PCDHA1: variants seen among roughly 807,000 people sequenced by gnomAD.
PCDHA1 encodes protocadherin alpha-1.
A neutral mutation model predicts 61.3 loss-of-function variants in PCDHA1; 42 were observed. The ratio of observed to expected loss-of-function variants is 0.69; its 90% CI spans 0.54 to 0.89. The LOEUF is 0.89. PCDHA1 is among the 40% of genes least tolerant of loss of function. The pLI is 0.00. For missense variants in PCDHA1, 1,256 were observed against 1,235.3 expected (o/e 1.02, Z -0.25); for synonymous variants, 610 against 553.8 (o/e 1.10, Z -1.43).
chr5:140,906,459 A>G (rs1217443805), intron 1 of PCDHA1, among the ~76,000 whole-genome samples: 1 of 152,236 alleles, frequency 6.6e-6, no homozygotes. Context: ...AAATGAAGAT[A>G]TTTTCTTAGT....
chr5:140,815,943 A>G (rs2126668159), intron 1 of PCDHA1: 1 of 152,186 alleles, frequency 6.6e-6, no homozygotes, highest in African/African-American at 2.4e-5. Flanking sequence ...TGAGAAATCT[A>G]CTGGTAGAGT....
At position 140,787,206 on chromosome 5, in the gene PCDHA1, G is replaced by C. The variant is rs1392750282; in HGVS notation, c.916G>C (p.Asp306His). Residue 306 changes from aspartate to histidine, a missense_variant, in exon 1 of 4, where the codon GAT (aspartate) becomes CAT (histidine). Physicochemically the swap from Asp to His is moderately conservative, Grantham distance 81. Transcript: ENST00000504120. ...CAGCTCAGGAGAAATTAGGTTAATT[G>C]ATAAACTGGATTATGAAGAAACAAA... ...DSSSGEIRLI[D>H]KLDYEETKSY... is the part of the protein sequence containing the mutation. The C allele has an allele frequency of 6.2e-7, 1 of 1,613,932 alleles. No individual in the cohort carries two copies. Among genetic ancestry groups the C allele is most frequent in the Non-Finnish European group, 8.5e-7 (1 of 1,179,992 alleles).
chr5:140,967,841 A>G, intron 1 of PCDHA1: 1 of 1,614,114 alleles, frequency 6.2e-7, no homozygotes, highest in Non-Finnish European at 8.5e-7. Flanking sequence ...CGTGGACGTG[A>G]ATGACAATGC....
chr5:140,950,569 T>G (rs969438550), intron 1 of PCDHA1, among the ~76,000 whole-genome samples: 2 of 152,120 alleles, frequency 1.3e-5, no homozygotes, highest in African/African-American at 4.8e-5. Context: ...TATTTTAAGG[T>G]TTTCTACTTA....
chr5:140,914,928 T>C lies in PCDHA1; in HGVS notation c.2395-64021T>C, dbSNP rs75399267. On this transcript the variant is annotated intron_variant, in intron 1 of 3. Coordinates refer to ENST00000504120, the MANE Select transcript of PCDHA1 (RefSeq NM_018900.4). ...TGTTTCTCTGTGTCTTATTGTACTA[T>C]GTTGTGAAAAGTTGTCTTTTTTTTT... Among the ~76,000 whole-genome samples the C allele has an allele frequency of 4.6e-3, 691 of 150,904 alleles. 3 individuals carry two copies. The highest frequency in any genetic ancestry group is 0.016 in the African/African-American group (668 of 41,182).
intron 1 of PCDHA1, chr5:140,797,533 C>T: frequency 1.3e-6 from 1 of 769,010 alleles, no homozygotes; most frequent in East Asian, 2.7e-5. Context: ...TTTAAACAAT[C>T]TACATAACTG....
chr5:140,797,121 T>C, intron 1 of PCDHA1: 1 of 1,614,020 alleles, frequency 6.2e-7, no homozygotes, highest in South Asian at 1.1e-5. Flanking sequence ...TGCTGTACAC[T>C]GCGCTGCGGT....
chr5:140,835,199 C>T lies in PCDHA1; in HGVS notation c.2394+46515C>T, dbSNP rs2150231734. The T allele has an allele frequency of 7.8e-3, 12,048 of 1,553,200 alleles. 392 individuals are homozygous for T. The African/African-American group carries it at 0.15, about 20-fold the overall frequency. ...CCAATGCCTCAGATTTAGACGAAGGCTTGAATGGGGATATTATTTACTCCT... is the reference window on the plus strand; with the variant it reads ...CCAATGCCTCAGATTTAGACGAAGGTTTGAATGGGGATATTATTTACTCCT... On this transcript the variant is annotated intron_variant, in intron 1 of 3. Coordinates refer to ENST00000504120, the MANE Select transcript of PCDHA1 (RefSeq NM_018900.4).
chr5:140,887,306 C>G (rs2061398552), intron 1 of PCDHA1, among the ~76,000 whole-genome samples: 1 of 152,096 alleles, frequency 6.6e-6, no homozygotes. Flanking sequence ...TCTTGTTAGC[C>G]AGGATAGTCT....
At chr5:140,803,815 T>C (rs1763285750) in intron 1 of PCDHA1, 2 of 692,658 alleles carry the variant, frequency 2.9e-6, no homozygotes, top group Non-Finnish European at 4.7e-6. Flanking sequence ...TTTGTTTTGT[T>C]ATTAGGTGCA....
chr5:140,918,955 T>G lies in PCDHA1; in HGVS notation c.2395-59994T>G, dbSNP rs904506594. Among the ~76,000 whole-genome samples, 3 of 152,258 alleles carry G rather than the reference T, an allele frequency of 2.0e-5. 1 individual carries two copies. Among genetic ancestry groups the G allele is most frequent in the African/African-American group, 7.2e-5 (3 of 41,472 alleles). ...TTTTGTTATAATATCCTGAACAGAC[T>G]AAGACAGATATCGTTTAGGTTAGTT... On this transcript the variant is annotated intron_variant, in intron 1 of 3. Transcript: ENST00000504120.
At position 140,829,922 on chromosome 5, in the gene PCDHA1, C is replaced by T. The variant is rs2150177863; in HGVS notation, c.2394+41238C>T. The T allele has an allele frequency of 3.7e-6, 6 of 1,614,010 alleles. No homozygotes were observed. The Middle Eastern group carries it at 5.0e-4, about 133-fold the overall frequency. On this transcript the variant is annotated intron_variant, in intron 1 of 3. Transcript: ENST00000504120. ...CTACAACGCGTGGCTTTCGTATGAG[C>T]TGCAGCCCCCGGCAAGCAGCGCTCG... is the stretch of plus-strand genomic sequence containing the variant.
chr5:140,856,591 T>G (rs1554148896), intron 1 of PCDHA1: 1 of 1,597,268 alleles, frequency 6.3e-7, no homozygotes, highest in African/African-American at 1.3e-5. Flanking sequence ...TTCTTGATAT[T>G]ATAAACAAAA....
At chr5:140,884,143 G>C (rs782116778) in intron 1 of PCDHA1, 1 of 1,613,438 alleles carries the variant, frequency 6.2e-7, no homozygotes. Context: ...TCCGCGTGGG[G>C]CTGTACACTG....
chr5:140,978,506 C>T (rs914101151), intron 1 of PCDHA1, among the ~76,000 whole-genome samples: 22 of 152,244 alleles, frequency 1.4e-4, no homozygotes, highest in African/African-American at 4.1e-4. Context: ...GATTGCAGTC[C>T]TCTGCAGTCC....
chr5:140,959,493 A>C (rs533403086), intron 1 of PCDHA1, among the ~76,000 whole-genome samples: 3 of 152,280 alleles, frequency 2.0e-5, no homozygotes, highest in South Asian at 2.1e-4. Context: ...TTATATATGG[A>C]TCAAACTAAA....
chr5:140,792,458 G>A (rs575425116), intron 1 of PCDHA1, among the ~76,000 whole-genome samples: 1 of 152,272 alleles, frequency 6.6e-6, no homozygotes, highest in South Asian at 2.1e-4. Context: ...GAGATATCAA[G>A]TGCAGTGGGA....
chr5:140,939,171 T>C (rs2092330047), intron 1 of PCDHA1, among the ~76,000 whole-genome samples: 1 of 152,170 alleles, frequency 6.6e-6, no homozygotes. Flanking sequence ...TGTCTGGTAA[T>C]GGCCCACTCC....
chr5:140,927,169 T>A, intron 1 of PCDHA1: 1 of 1,614,172 alleles, frequency 6.2e-7, no homozygotes, highest in Non-Finnish European at 8.5e-7. Context: ...CAAAGCTGCC[T>A]GCGTCTTGAC....
Sources: allele counts gnomAD v4.1 joint callset (sites outside exome capture counted in the v4.1 genomes callset), GRCh38; gene constraint gnomAD v4.1.1; transcripts MANE v1.5; gene names NCBI Gene and HGNC (gene_info 2026-07-23, HGNC 2026-07-21).